MAPRE1: variants seen among roughly 807,000 people sequenced by gnomAD.
MAPRE1 encodes microtubule associated protein RP/EB family member 1, also known as microtubule-associated protein RP/EB family member 1.
MAPRE1 carries 5 observed loss-of-function variants against 32.1 expected under a neutral mutation model. The observed-to-expected ratio is 0.16, with a 90% CI of 0.08 to 0.33. MAPRE1 has a LOEUF of 0.33. Ranked by LOEUF, MAPRE1 falls within the 10% of genes least tolerant of loss-of-function variation. The probability of loss-of-function intolerance (pLI) is 1.00; values close to 1 mark genes in which losing one functional copy is unlikely to be tolerated. For missense variants in MAPRE1, 209 were observed against 327.2 expected (o/e 0.64, Z 2.79); for synonymous variants, 122 against 118.9 (o/e 1.03, Z -0.17).
At position 32,821,472 on chromosome 20, in the gene MAPRE1, C is replaced by T. The variant is rs186397941; in HGVS notation, c.-4+1444C>T. Among the ~76,000 whole-genome samples the T allele has an allele frequency of 7.9e-5, 12 of 152,366 alleles. No homozygotes were observed. In the East Asian group the frequency reaches 2.3e-3, roughly 29 times the overall value. ...TTTCTCCCTGAGGTCCAGAGCTACA[C>T]ATCCAGATGTGCCCTTTGTGGTGGT... On this transcript the variant is annotated intron_variant, in intron 1 of 6. Coordinates refer to ENST00000375571, the MANE Select transcript of MAPRE1 (RefSeq NM_012325.3).
chr20:32,828,190 T>TC lies in MAPRE1; in HGVS notation c.121+2149dup, dbSNP rs1270615476. On this transcript the variant is annotated intron_variant, in intron 2 of 6. Transcript: ENST00000375571. Reference sequence around the variant, plus strand: ...CTGTTAGCCTTAGATCTGTGCTGTGTCCCCCCCACCATTTTCTATTAGTTT... The same window carrying TC: ...CTGTTAGCCTTAGATCTGTGCTGTGTCCCCCCCCACCATTTTCTATTAGTTT... Among the ~76,000 whole-genome samples the TC allele has an allele frequency of 4.6e-5, 7 of 152,196 alleles. No homozygotes were observed. In the South Asian group the frequency reaches 6.2e-4, roughly 14 times the overall value.
intron 2 of MAPRE1, among the ~76,000 whole-genome samples, chr20:32,827,395 C>T (rs547483567): frequency 2.6e-5 from 4 of 151,158 alleles, no homozygotes; most frequent in East Asian, 2.0e-4. Context: ...GTGATAAGAG[C>T]GAGACTCCGT....
At chr20:32,826,379 G>A (rs147297128) in intron 2 of MAPRE1, among the ~76,000 whole-genome samples, 2,918 of 151,664 alleles carry the variant, frequency 0.019, 36 homozygotes, top group Non-Finnish European at 0.032. Context: ...ACCACGCCTG[G>A]CTAATTTTTT....
chr20:32,839,617 C>T (rs1172950580), intron 4 of MAPRE1, 118 bp from the exon 5 acceptor site: 11 of 1,392,580 alleles, frequency 7.9e-6, no homozygotes, highest in Non-Finnish European at 1.1e-5. Context: ...GCATTGGTTC[C>T]CTTCACTGAA....
intron 3 of MAPRE1, among the ~76,000 whole-genome samples, chr20:32,835,809 T>C (rs540958844): frequency 1.3e-5 from 2 of 152,046 alleles, no homozygotes. Flanking sequence ...TTTCACCATA[T>C]TGGCCAGGCT....
chr20:32,845,024 TATGTATGTATGA>T (rs1046014074), intron 5 of MAPRE1, among the ~76,000 whole-genome samples: 12 of 81,156 alleles, frequency 1.5e-4, no homozygotes, highest in African/African-American at 1.9e-4. Context: ...TGTATGTATG[TATGTATGTATGA>T]ATGAATGAAT....
At chr20:32,820,917 G>A (rs1247935589) in intron 1 of MAPRE1, among the ~76,000 whole-genome samples, 1 of 152,144 alleles carries the variant, frequency 6.6e-6, no homozygotes, top group African/African-American at 2.4e-5. Context: ...GATAATAGCA[G>A]CTCTTTGTTA....
At chr20:32,842,912 T>C (rs1983403349) in intron 5 of MAPRE1, among the ~76,000 whole-genome samples, 2 of 152,136 alleles carry the variant, frequency 1.3e-5, no homozygotes. Context: ...TGGTCGGTGT[T>C]GTAGAACTTC....
At chr20:32,820,185 CGCGCGCGGGCTGGGCCTGGGG>C (rs1248070980) in intron 1 of MAPRE1, among the ~76,000 whole-genome samples, 157 bp downstream of exon 1, 2 of 135,410 alleles carry the variant, frequency 1.5e-5, no homozygotes, top group Non-Finnish European at 3.1e-5. Flanking sequence ...CGTCACCCGG[CGCGCGCGGGCTGGGCCTGGGG>C]GCGCGCGCTG....
At chr20:32,826,255 T>C (rs183138862) in intron 2 of MAPRE1, among the ~76,000 whole-genome samples, 3,256 of 143,842 alleles carry the variant, frequency 0.023, 202 homozygotes, top group African/African-American at 0.085. Context: ...CTCGCTCTGT[T>C]GCCCAGGCTG....
At chr20:32,819,777 C>T (rs1021589187), upstream of MAPRE1, 1 of 152,212 alleles carries the variant, frequency 6.6e-6, no homozygotes, top group South Asian at 2.1e-4. Context: ...CCGCAGTCGC[C>T]CCGGCGGTCG....
intron 2 of MAPRE1, among the ~76,000 whole-genome samples, chr20:32,831,134 T>C (rs896211561): frequency 6.6e-6 from 1 of 152,140 alleles, no homozygotes; most frequent in Non-Finnish European, 1.5e-5. Context: ...TGATTATGAA[T>C]AGTTAGGTCT....
At position 32,835,369 on chromosome 20, in the gene MAPRE1, T is replaced by TTTTTTTTTTTG. The variant is rs1555847029; in HGVS notation, c.268-1255_268-1254insGTTTTTTTTTT. On this transcript the variant is annotated intron_variant, in intron 3 of 6. Coordinates refer to ENST00000375571, the MANE Select transcript of MAPRE1 (RefSeq NM_012325.3). ...GTGTGTGTGTTTTTATTGGTGTTTT[T>TTTTTTTTTTTG]TTTTTTTTTTTGAGATGAGGTCTTG... Among the ~76,000 whole-genome samples, 6 of 141,844 alleles carry TTTTTTTTTTTG rather than the reference T, an allele frequency of 4.2e-5. 1 individual carries two copies. Among genetic ancestry groups the TTTTTTTTTTTG allele is most frequent in the African/African-American group, 1.4e-4 (5 of 35,696 alleles). 93.1% of individuals were successfully genotyped at this position (141,844 alleles called of 152,430 possible). A position where few individuals can be genotyped will look rare whatever the true frequency, so the allele number is the denominator to read the frequency against.
chr20:32,827,812 T>C, intron 2 of MAPRE1, among the ~76,000 whole-genome samples: 1 of 151,902 alleles, frequency 6.6e-6, no homozygotes, highest in Non-Finnish European at 1.5e-5. Flanking sequence ...GGAGAATCGC[T>C]TGAACCTGGG....
intron 5 of MAPRE1, among the ~76,000 whole-genome samples, chr20:32,842,615 T>C (rs1983395792): frequency 6.6e-6 from 1 of 152,234 alleles, no homozygotes; most frequent in Non-Finnish European, 1.5e-5. Context: ...GGTATACAGA[T>C]GTTTCTTTTC....
intron 4 of MAPRE1, among the ~76,000 whole-genome samples, 186 bp downstream of exon 4, chr20:32,837,027 C>G (rs573764753): frequency 6.6e-6 from 1 of 152,156 alleles, no homozygotes; most frequent in South Asian, 2.1e-4. Context: ...TGTCTGTAGC[C>G]CTGTGTAAGC....
intron 4 of MAPRE1, 60 bp from the exon 5 acceptor site, chr20:32,839,675 A>T (rs895318509): frequency 1.9e-5 from 30 of 1,582,396 alleles, no homozygotes; most frequent in East Asian, 1.4e-4. Context: ...TGTCTTGTGG[A>T]TTTTTTGTTT....
intron 2 of MAPRE1, among the ~76,000 whole-genome samples, chr20:32,830,407 T>G (rs1022654918): frequency 2.0e-5 from 3 of 152,224 alleles, no homozygotes; most frequent in Non-Finnish European, 4.4e-5. Flanking sequence ...CTGTCATTAC[T>G]TAAAATCTCA....
intron 3 of MAPRE1, 151 bp from the exon 4 acceptor site, chr20:32,836,483 C>T (rs562058480): frequency 1.7e-6 from 1 of 580,882 alleles, no homozygotes; most frequent in African/African-American, 1.9e-5. Flanking sequence ...CTGCATGAAA[C>T]TTGCTTTATA....
Sources: allele counts gnomAD v4.1 joint callset (sites outside exome capture counted in the v4.1 genomes callset), GRCh38; gene constraint gnomAD v4.1.1; transcripts MANE v1.5; gene names NCBI Gene and HGNC (gene_info 2026-07-23, HGNC 2026-07-21).